STAU2: variants seen among roughly 807,000 people sequenced by gnomAD.
STAU2 encodes double-stranded RNA-binding protein Staufen homolog 2.
In STAU2, 20 loss-of-function variants were observed where a neutral mutation model predicts 65.9. The ratio of observed to expected loss-of-function variants is 0.30; its 90% confidence interval spans 0.21 to 0.44. The LOEUF (loss-of-function observed/expected upper bound fraction) is 0.44, where lower values mean the gene tolerates loss of function less well. Ranked by LOEUF, STAU2 falls within the 20% of genes least tolerant of loss-of-function variation. The pLI is 1.00. For synonymous variants in STAU2, 232 were observed against 233.9 expected, an observed-to-expected ratio of 0.99 and a Z score of 0.07; for missense variants, 558 against 683.9, an observed-to-expected ratio of 0.82 and a Z score of 2.05.
At chr8:73,655,043 T>C (rs1242924538) in intron 6 of STAU2, among the ~76,000 whole-genome samples, 3 of 152,224 alleles carry the variant, frequency 2.0e-5, no homozygotes, top group Non-Finnish European at 2.9e-5. Flanking sequence ...GATAAAAATG[T>C]ACACCTCTTC....
intron 6 of STAU2, among the ~76,000 whole-genome samples, chr8:73,658,926 A>G (rs1301065822): frequency 1.1e-5 from 1 of 88,984 alleles, no homozygotes; most frequent in East Asian, 5.3e-4. Flanking sequence ...AAACAACAAC[A>G]ACAACAACAA....
intron 13 of STAU2, among the ~76,000 whole-genome samples, chr8:73,544,994 GCCTTTAATGAGTACTGC>G (rs1406650683): frequency 2.0e-5 from 3 of 152,158 alleles, no homozygotes; most frequent in Non-Finnish European, 2.9e-5. Flanking sequence ...GCATTTGTAG[GCCTTTAATGAGTACTGC>G]CCAGTGTGAG....
At chr8:73,489,566 T>C (rs534596600) in intron 13 of STAU2, among the ~76,000 whole-genome samples, 2 of 152,032 alleles carry the variant, frequency 1.3e-5, no homozygotes, top group Non-Finnish European at 2.9e-5. Context: ...ACCTGCAAAT[T>C]TGATCACCAG....
At chr8:73,729,538 G>A (rs997961944) in intron 3 of STAU2, among the ~76,000 whole-genome samples, 1 of 152,004 alleles carries the variant, frequency 6.6e-6, no homozygotes, top group Admixed American at 6.6e-5. Context: ...ATATTTGGTA[G>A]AATCCACCAG....
chr8:73,527,609 G>A, intron 13 of STAU2: 1 of 1,007,402 alleles, frequency 9.9e-7, no homozygotes, highest in Non-Finnish European at 1.5e-6. Flanking sequence ...AAAGCTGCAT[G>A]TGCGCACATA....
chr8:73,481,212 T>C (rs1297787964), intron 13 of STAU2, among the ~76,000 whole-genome samples: 1 of 152,116 alleles, frequency 6.6e-6, no homozygotes, highest in Non-Finnish European at 1.5e-5. Flanking sequence ...TTTACTTTTC[T>C]TTATAACTTC....
intron 5 of STAU2, among the ~76,000 whole-genome samples, chr8:73,681,752 C>T (rs1428920012): frequency 6.6e-6 from 1 of 152,076 alleles, no homozygotes; most frequent in Non-Finnish European, 1.5e-5. Context: ...CATAAGGACT[C>T]ACATAAACTG....
intron 9 of STAU2, 102 bp downstream of exon 9, chr8:73,613,642 A>G: frequency 2.4e-6 from 2 of 831,762 alleles, no homozygotes; most frequent in Non-Finnish European, 3.7e-6. Flanking sequence ...GACTGTATAT[A>G]GTCCATAAGT....
intron 13 of STAU2, among the ~76,000 whole-genome samples, chr8:73,484,013 C>A (rs1359671956): frequency 6.6e-6 from 1 of 152,130 alleles, no homozygotes; most frequent in Non-Finnish European, 1.5e-5. Context: ...AAAATATAGT[C>A]ATATCCGGAG....
At chr8:73,624,203 G>T (rs1010674456) in intron 6 of STAU2, among the ~76,000 whole-genome samples, 1 of 152,100 alleles carries the variant, frequency 6.6e-6, no homozygotes, top group African/African-American at 2.4e-5. Flanking sequence ...GTAAATCTGT[G>T]TTTGAAATTA....
At chr8:73,478,297 T>C (rs1184053873) in intron 13 of STAU2, among the ~76,000 whole-genome samples, 65 of 108,642 alleles carry the variant, frequency 6.0e-4, no homozygotes, top group African/African-American at 2.4e-3. Context: ...TAACGATAAC[T>C]GATGAGCTAA....
intron 3 of STAU2, among the ~76,000 whole-genome samples, chr8:73,734,681 C>T (rs1395212225): frequency 6.6e-6 from 1 of 152,042 alleles, no homozygotes; most frequent in East Asian, 1.9e-4. Context: ...GTGATCCCAG[C>T]TACTCAGGAG....
Position 73,509,755 on chromosome 8 carries a change from G to A in STAU2, c.1530+42257C>T, listed in dbSNP as rs115316538. Among the ~76,000 whole-genome samples the A allele has an allele frequency of 8.8e-3, 1,342 of 152,042 alleles. 20 individuals carry two copies. The highest frequency in any genetic ancestry group is 0.031 in the African/African-American group (1,268 of 41,476). On this transcript the variant is annotated intron_variant, in intron 13 of 14. Transcript: ENST00000524300. ...GGTTTATGGTTTTCTCTGGTAGATA[G>A]TAAAAACAATTACTGGGGAATTATA... is the stretch of plus-strand genomic sequence containing the variant.
At chr8:73,500,900 A>G (rs1188520303) in intron 13 of STAU2, among the ~76,000 whole-genome samples, 1 of 151,932 alleles carries the variant, frequency 6.6e-6, no homozygotes, top group African/African-American at 2.4e-5. Context: ...GAATGGTTAG[A>G]GGCTAAAATC....
intron 13 of STAU2, among the ~76,000 whole-genome samples, chr8:73,500,131 G>A (rs1459553067): frequency 6.6e-6 from 1 of 151,840 alleles, no homozygotes; most frequent in Non-Finnish European, 1.5e-5. Flanking sequence ...AAGCTATTAT[G>A]GTCCAGTATA....
At chr8:73,715,279 A>T (rs1380595774) in intron 3 of STAU2, among the ~76,000 whole-genome samples, 1 of 151,842 alleles carries the variant, frequency 6.6e-6, no homozygotes, top group Admixed American at 6.6e-5. Context: ...AACATGGTGA[A>T]ACCCTGTCTC....
intron 6 of STAU2, among the ~76,000 whole-genome samples, chr8:73,638,579 A>T (rs1814727432): frequency 6.6e-6 from 1 of 151,358 alleles, no homozygotes; most frequent in Non-Finnish European, 1.5e-5. Context: ...GTCTAATAAA[A>T]TTCCACCCAC....
intron 3 of STAU2, among the ~76,000 whole-genome samples, chr8:73,730,860 T>C (rs1055655292): frequency 6.6e-6 from 1 of 152,220 alleles, no homozygotes; most frequent in Non-Finnish European, 1.5e-5. Context: ...ACTGATATTC[T>C]GTCTAGATGT....
At chr8:73,564,042 C>G (rs371525609) in intron 12 of STAU2, among the ~76,000 whole-genome samples, 1 of 152,194 alleles carries the variant, frequency 6.6e-6, no homozygotes, top group Admixed American at 6.5e-5. Context: ...CACACCACCC[C>G]CCTAAGTCAG....
Sources: gnomAD v4.1 joint callset for allele counts (sites outside exome capture counted in the v4.1 genomes callset) on GRCh38, gnomAD v4.1.1 for gene constraint, MANE v1.5 for transcripts, NCBI Gene and HGNC (gene_info 2026-07-23, HGNC 2026-07-21) for gene names.